The following CHRM2 variants were observed in gnomAD, a reference collection of about 807,000 sequenced individuals.
CHRM2 encodes muscarinic acetylcholine receptor M2.
CHRM2 carries 8 observed loss-of-function variants against 25.0 expected under a neutral mutation model. The ratio of observed to expected loss-of-function variants is 0.32; its 90% CI spans 0.19 to 0.58. The LOEUF is 0.58. Among genes scored for constraint, CHRM2 ranks in the 20% least tolerant of loss-of-function variants. The pLI is 0.88. For synonymous variants in CHRM2, 202 were observed against 205.7 expected, an observed-to-expected ratio of 0.98 and a Z score of 0.15; for missense variants, 440 against 567.1, an observed-to-expected ratio of 0.78 and a Z score of 2.28.
chr7:136,968,357 T>A (rs972532980), intron 2 of CHRM2, among the ~76,000 whole-genome samples: 7 of 151,878 alleles, frequency 4.6e-5, no homozygotes, highest in African/African-American at 1.7e-4. Flanking sequence ...AGAATGCCTG[T>A]TATAAAATAA....
At chr7:136,894,664 G>T (rs149993674) in intron 2 of CHRM2, among the ~76,000 whole-genome samples, 3 of 152,084 alleles carry the variant, frequency 2.0e-5, no homozygotes, top group Non-Finnish European at 4.4e-5. Flanking sequence ...GAGCCACCAT[G>T]CCCAGCCTCT....
At chr7:136,933,031 A>AAAATAAATAAATAAAT (rs576034444) in intron 2 of CHRM2, among the ~76,000 whole-genome samples, 45 of 146,472 alleles carry the variant, frequency 3.1e-4, no homozygotes, top group African/African-American at 1.1e-3. Context: ...CTCTGTTTCA[A>AAAATAAATAAATAAAT]AAATAAATAA....
intron 2 of CHRM2, chr7:136,902,769 A>G (rs1050940943): frequency 9.2e-6 from 2 of 216,258 alleles, no homozygotes; most frequent in Non-Finnish European, 1.8e-5. Flanking sequence ...CAACCTTAAT[A>G]AGACGTGTAG....
intron 2 of CHRM2, among the ~76,000 whole-genome samples, chr7:136,910,641 C>T (rs1436944217): frequency 6.6e-6 from 1 of 151,948 alleles, no homozygotes; most frequent in Non-Finnish European, 1.5e-5. Flanking sequence ...AACCTGCCAT[C>T]ATTCTTTCCT....
chr7:136,969,503 G>A (rs1267881616), intron 2 of CHRM2, among the ~76,000 whole-genome samples: 1 of 152,080 alleles, frequency 6.6e-6, no homozygotes, highest in African/African-American at 2.4e-5. Context: ...AGCATCCCAG[G>A]ATTTTCCACA....
chr7:136,912,344 T>C (rs556298223), intron 2 of CHRM2, among the ~76,000 whole-genome samples: 19 of 152,088 alleles, frequency 1.2e-4, no homozygotes, highest in African/African-American at 4.6e-4. Flanking sequence ...TTAAATTATC[T>C]GCTGTGGTTC....
intron 2 of CHRM2, among the ~76,000 whole-genome samples, chr7:136,917,709 G>C (rs1798200199): frequency 6.6e-6 from 1 of 152,004 alleles, no homozygotes; most frequent in Admixed American, 6.6e-5. Context: ...TACAAGACCA[G>C]ACTGGGAAAA....
intron 2 of CHRM2, among the ~76,000 whole-genome samples, chr7:136,875,868 T>C (rs552852348): frequency 2.0e-5 from 3 of 152,142 alleles, no homozygotes; most frequent in Non-Finnish European, 4.4e-5. Context: ...TACTAGCCAA[T>C]ATATTTATTT....
intron 2 of CHRM2, among the ~76,000 whole-genome samples, chr7:136,961,736 G>A (rs1237300538): frequency 6.6e-6 from 1 of 151,900 alleles, no homozygotes; most frequent in Non-Finnish European, 1.5e-5. Flanking sequence ...CTTTATTAGA[G>A]AAAAGAGGTA....
At chr7:136,956,327 T>C (rs1215729490) in intron 2 of CHRM2, among the ~76,000 whole-genome samples, 1 of 152,184 alleles carries the variant, frequency 6.6e-6, no homozygotes, top group Non-Finnish European at 1.5e-5. Context: ...TTCTTTTTAA[T>C]GTACTATTTA....
chr7:137,003,390 ATTCT>A (rs753470987), intron 3 of CHRM2, among the ~76,000 whole-genome samples: 2 of 151,892 alleles, frequency 1.3e-5, no homozygotes, highest in African/African-American at 2.4e-5. Context: ...GAACAGAGAC[ATTCT>A]TTCTTTCTTT....
chr7:136,967,794 T>G (rs1419949383), intron 2 of CHRM2, among the ~76,000 whole-genome samples: 1 of 152,052 alleles, frequency 6.6e-6, no homozygotes, highest in East Asian at 1.9e-4. Context: ...AGTTGTCAGC[T>G]CCACTGAAAC....
intron 2 of CHRM2, among the ~76,000 whole-genome samples, chr7:136,957,037 G>A (rs1392500443): frequency 6.6e-6 from 1 of 152,140 alleles, no homozygotes; most frequent in Non-Finnish European, 1.5e-5. Context: ...GCCTAATGGA[G>A]GTGTGTTTTG....
chr7:136,883,258 G>C, intron 2 of CHRM2, among the ~76,000 whole-genome samples: 1 of 152,116 alleles, frequency 6.6e-6, no homozygotes, highest in East Asian at 1.9e-4. Context: ...ATCTTTCCCT[G>C]TCTTCAGCCT....
intron 2 of CHRM2, chr7:136,902,408 C>T (rs977727369): frequency 2.0e-5 from 3 of 151,992 alleles, no homozygotes; most frequent in African/African-American, 7.2e-5. Context: ...CTATAGCATC[C>T]TCTGATAATG....
chr7:136,960,599 T>G (rs1801011504), intron 2 of CHRM2, among the ~76,000 whole-genome samples: 1 of 152,138 alleles, frequency 6.6e-6, no homozygotes, highest in South Asian at 2.1e-4. Context: ...AGTTGTAGAG[T>G]AACTGCTAAA....
intron 2 of CHRM2, among the ~76,000 whole-genome samples, chr7:136,957,255 ATGTGTGTGTG>A (rs10606389): frequency 3.3e-5 from 5 of 151,188 alleles, no homozygotes; most frequent in Admixed American, 3.3e-4. Flanking sequence ...CATAGTGTAT[ATGTGTGTGTG>A]TGTGTGTGTG....
chr7:136,962,489 G>A (rs930162854), intron 2 of CHRM2, among the ~76,000 whole-genome samples: 3 of 152,054 alleles, frequency 2.0e-5, no homozygotes, highest in African/African-American at 7.2e-5. Context: ...TGGTAGTGGT[G>A]GCAGGGGAGA....
intron 2 of CHRM2, among the ~76,000 whole-genome samples, chr7:136,985,021 T>C (rs1469753919): frequency 6.6e-6 from 1 of 152,106 alleles, no homozygotes; most frequent in African/African-American, 2.4e-5. Flanking sequence ...TACAGAAAGT[T>C]TGTTTAACAA....
Sources: allele counts gnomAD v4.1 joint callset (sites outside exome capture counted in the v4.1 genomes callset), GRCh38; gene constraint gnomAD v4.1.1; transcripts MANE v1.5; gene names NCBI Gene and HGNC (gene_info 2026-07-23, HGNC 2026-07-21).